The following ZNF197 variants were observed in gnomAD, a reference collection of about 807,000 sequenced individuals.
ZNF197 encodes zinc finger protein 197, also known as VHL-associated KRAB-A domain-containing protein.
Under a neutral mutation model 27.4 loss-of-function variants are expected in ZNF197, and 14 were observed. That is an observed-to-expected ratio of 0.51 (90% CI 0.34 to 0.80). The LOEUF (loss-of-function observed/expected upper bound fraction) is 0.80. ZNF197 is among the 30% of genes least tolerant of loss of function. ZNF197 has a pLI of 0.02. For synonymous variants in ZNF197, 415 were observed against 420.0 expected, an observed-to-expected ratio of 0.99 and a Z score of 0.15; for missense variants, 1,090 against 1,222.6, an observed-to-expected ratio of 0.89 and a Z score of 1.62.
Position 44,642,256 on chromosome 3 carries a change from T to C in ZNF197, c.1126T>C (p.Cys376Arg). The stretch of plus-strand genomic sequence containing the variant: ...GAAGTTTTATAAATGTGATATGTGT[T>C]GTAAACATTTTAATAAAATCTCCCA... ...GKKFYKCDMC[C>R]KHFNKISHLI... is the part of the protein sequence containing the mutation. Residue 376 changes from cysteine (C) to arginine (R), a missense_variant, in exon 6 of 6, where the codon TGT becomes CGT. Transcript: ENST00000344387. The C allele has an allele frequency of 1.9e-6, 3 of 1,613,976 alleles. No individual in the cohort carries two copies. The highest frequency in any genetic ancestry group is 1.3e-5 in the African/African-American group (1 of 75,026).
rs937675349 is a variant in ZNF197, at chr3:44,647,669, GAATT to G, written c.*3453_*3456del. On this transcript the variant is annotated 3_prime_UTR_variant, in exon 6 of 6. Coordinates refer to ENST00000344387, the MANE Select transcript of ZNF197 (RefSeq NM_006991.5). ...ATAACAACTCAAATAAATTTCAAGG[GAATT>G]AATGCTGAGTGAAAATAATCACAAA... 2.0e-5 allele frequency: 3 copies of G among 152,152 alleles called. No individual in the cohort carries two copies. The East Asian group carries it at 5.8e-4, about 29-fold the overall frequency. The allele number at this position is 152,152 out of a possible 1,614,324, so 9.4% of individuals were successfully genotyped here. A position where few individuals can be genotyped will look rare whatever the true frequency, so the allele number is the denominator to read the frequency against.
In ZNF197 at chr3:44,644,209, C is replaced by G; in HGVS notation, c.3079C>G (p.Gln1027Glu). Residue 1027 changes from glutamine to glutamate, a missense_variant, in exon 6 of 6, where the codon CAG becomes GAG. Gln to Glu is a conservative substitution (Grantham distance 29). Coordinates refer to ENST00000344387, the MANE Select transcript of ZNF197 (RefSeq NM_006991.5). ...CACCAATGAGTCCAAGATTGAGATT[C>G]AGAAAATCTAGTGTCATATGTAAAA... ...QNTNESKIEI[Q>E]KI 1 of 1,588,184 alleles carries G rather than the reference C, an allele frequency of 6.3e-7. No individual in the cohort carries two copies. The highest frequency in any genetic ancestry group is 8.5e-7 in the Non-Finnish European group (1 of 1,170,018).
intron 5 of ZNF197, 137 bp downstream of exon 5, chr3:44,632,736 T>C (rs1315309340): frequency 9.7e-7 from 1 of 1,029,470 alleles, no homozygotes; most frequent in African/African-American, 1.6e-5. Context: ...TTAACATCGC[T>C]ATTTCCAGAT....
rs1264589627 is a variant in ZNF197 at position 44,644,016 on chromosome 3, T to C, written c.2886T>C (p.Asp962=). Residue 962 remains aspartate (D), a synonymous_variant, in exon 6 of 6, where the codon GAT becomes GAC. Coordinates refer to ENST00000344387, the MANE Select transcript of ZNF197 (RefSeq NM_006991.5). ...HTGEKPYGCN[D]CSKVFRQRKN... is the part of the protein sequence containing the mutation. The stretch of plus-strand genomic sequence containing the variant: ...GGGAGAAACCCTATGGGTGTAATGA[T>C]TGTAGTAAAGTTTTTAGGCAAAGAA... 3.7e-6 allele frequency: 6 copies of C among 1,613,984 alleles called. No individual in the cohort carries two copies. Among genetic ancestry groups the C allele is most frequent in the Non-Finnish European group, 5.1e-6 (6 of 1,180,010 alleles).
chr3:44,632,095 C>G lies in ZNF197; in HGVS notation c.551-10C>G. The stretch of plus-strand genomic sequence containing the variant: ...GTAGGTCCCATATGCAGCTTTTTCT[C>G]CCTCCTCAGATTCTCCTGCCCCTGA... On this transcript the variant is annotated splice_polypyrimidine_tract_variant and intron_variant, in intron 3 of 5. Coordinates refer to ENST00000344387, the MANE Select transcript of ZNF197 (RefSeq NM_006991.5). 1 of 1,613,842 alleles carries G rather than the reference C, an allele frequency of 6.2e-7. No homozygotes were observed. The highest frequency in any genetic ancestry group is 8.5e-7 in the Non-Finnish European group (1 of 1,179,774).
rs138646834 is a variant in ZNF197, at chr3:44,643,192, G to A, written c.2062G>A (p.Gly688Ser). ...YECKDCGKVFGSNRNLIDHER... is the reference protein window; with the variant it reads ...YECKDCGKVFSSNRNLIDHER... The stretch of plus-strand genomic sequence containing the variant: ...ATGTAAAGATTGTGGTAAGGTCTTC[G>A]GTTCAAACAGAAACCTCATTGACCA... The change falls in exon 6 of 6, where the codon GGT becomes AGT. Residue 688 changes from glycine (G) to serine (S), a missense_variant. Transcript: ENST00000344387. 4.6e-5 allele frequency: 74 copies of A among 1,612,962 alleles called. 1 individual carries two copies. Among genetic ancestry groups the A allele is most frequent in the South Asian group, 2.9e-4 (26 of 90,862 alleles).
In ZNF197 at chr3:44,645,086, C is replaced by T. The variant is rs1305084257; in HGVS notation, c.*866C>T. 1.0e-6 allele frequency: 1 copy of T among 983,344 alleles called. No individual in the cohort carries two copies. Among genetic ancestry groups the T allele is most frequent in the African/African-American group, 1.7e-5 (1 of 57,166 alleles). 60.9% of individuals were successfully genotyped at this position (983,344 alleles called of 1,614,324 possible). ...GAATCAGAAGACCTACCTTTGATTC[C>T]TGGCTTTCCCTTAATGGCCATGTGA... On this transcript the variant is annotated 3_prime_UTR_variant, in exon 6 of 6. Transcript: ENST00000344387.
rs76908034 is a variant in ZNF197, at chr3:44,632,861, T to G, written c.769+262T>G. On this transcript the variant is annotated intron_variant, in intron 5 of 5. Transcript: ENST00000344387. ...GTCTGTGCACAGTTTTATAGCTTGC[T>G]TTCCTTGTGTGTGTTCTCACATGTT... is the stretch of plus-strand genomic sequence containing the variant. 1.2e-4 allele frequency among the ~76,000 whole-genome samples: 18 copies of G among 152,314 alleles called. No individual in the cohort carries two copies. The East Asian group carries it at 3.5e-3, about 29-fold the overall frequency.
At position 44,644,007 on chromosome 3, in the gene ZNF197, G is replaced by C; in HGVS notation, c.2877G>C (p.Gly959=). The C allele has an allele frequency of 6.2e-7, 1 of 1,614,148 alleles. No homozygotes were observed. Among genetic ancestry groups the C allele is most frequent in the South Asian group, 1.1e-5 (1 of 91,068 alleles). Residue 959 remains glycine, a synonymous_variant, in exon 6 of 6, where the codon GGG becomes GGC. Transcript: ENST00000344387. ...QRIHTGEKPY[G]CNDCSKVFRQ... Reference sequence around the variant, plus strand: ...TTCACACAGGGGAGAAACCCTATGGGTGTAATGATTGTAGTAAAGTTTTTA... The same window carrying C: ...TTCACACAGGGGAGAAACCCTATGGCTGTAATGATTGTAGTAAAGTTTTTA...
rs1362157592 is a variant in ZNF197 at position 44,643,479 on chromosome 3, C to T, written c.2349C>T (p.Ile783=). ...SNRNLIEHKR[I]HSGEKPYECD... is the part of the protein sequence containing the mutation. ...GAAACCTCATTGAGCATAAGAGAAT[C>T]CACAGTGGTGAGAAACCCTATGAGT... Residue 783 remains isoleucine, a synonymous_variant, in exon 6 of 6, where the codon ATC becomes ATT. Transcript: ENST00000344387. The T allele has an allele frequency of 6.2e-7, 1 of 1,614,036 alleles. No individual in the cohort carries two copies. Among genetic ancestry groups the T allele is most frequent in the African/African-American group, 1.3e-5 (1 of 74,906 alleles).
intron 2 of ZNF197, chr3:44,630,707 T>G (rs1449261146): frequency 2.6e-6 from 1 of 388,180 alleles, no homozygotes; most frequent in Non-Finnish European, 5.1e-6. Flanking sequence ...GGTAAATAAG[T>G]AGAAGAGATG....
chr3:44,643,282 A>C lies in ZNF197; in HGVS notation c.2152A>C (p.Ser718Arg), dbSNP rs1343001791. ...AGAGTGTGGGAAAACCTTTATTATG[A>C]GCAAAAGTTTTATGGTCCATCAGAA... ...CRECGKTFIM[S>R]KSFMVHQKLH... The change falls in exon 6 of 6, where the codon AGC (serine) becomes CGC (arginine). Residue 718 changes from serine (S) to arginine (R), a missense_variant. Ser to Arg is a moderately radical substitution (Grantham distance 110, BLOSUM62 -1). Coordinates refer to ENST00000344387, the MANE Select transcript of ZNF197 (RefSeq NM_006991.5). 1.9e-6 allele frequency: 3 copies of C among 1,614,080 alleles called. No homozygotes were observed. Among genetic ancestry groups the C allele is most frequent in the Non-Finnish European group, 2.5e-6 (3 of 1,180,006 alleles).
chr3:44,643,590 C>T lies in ZNF197; in HGVS notation c.2460C>T (p.Cys820=). 2.5e-6 allele frequency: 4 copies of T among 1,614,108 alleles called. No individual in the cohort carries two copies. The highest frequency in any genetic ancestry group is 2.2e-5 in the South Asian group (2 of 91,080). Residue 820 remains cysteine (C), a synonymous_variant, in exon 6 of 6, where the codon TGC becomes TGT. Transcript: ENST00000344387. ...RIHTREKSYK[C]NDCGKVFSYR... The stretch of plus-strand genomic sequence containing the variant: ...ACACGAGGGAAAAATCTTATAAATG[C>T]AATGACTGTGGGAAGGTCTTCAGTT...
intron 1 of ZNF197, among the ~76,000 whole-genome samples, chr3:44,625,750 GCACACACACA>G (rs56833441): frequency 0.091 from 13,576 of 148,998 alleles, 690 homozygotes; most frequent in Middle Eastern, 0.15. Flanking sequence ...GCGCGCGCGC[GCACACACACA>G]CACACACACA....
rs553077667 is a variant in ZNF197 at position 44,638,336 on chromosome 3, G to A, written c.770-3564G>A. 2.0e-5 allele frequency among the ~76,000 whole-genome samples: 3 copies of A among 151,844 alleles called. No homozygotes were observed. The East Asian group carries it at 5.8e-4, about 29-fold the overall frequency. On this transcript the variant is annotated intron_variant, in intron 5 of 5. Transcript: ENST00000344387. ...TTCTCAGGCTGACCTTGAGCTCCTGGGCTCAAGCAGTCCTCAGCCTAAATC... is the reference window on the plus strand; with the variant it reads ...TTCTCAGGCTGACCTTGAGCTCCTGAGCTCAAGCAGTCCTCAGCCTAAATC...
chr3:44,644,060 A>T lies in ZNF197; in HGVS notation c.2930A>T (p.Gln977Leu). 6.2e-7 allele frequency: 1 copy of T among 1,614,148 alleles called. No individual in the cohort carries two copies. Among genetic ancestry groups the T allele is most frequent in the Non-Finnish European group, 8.5e-7 (1 of 1,180,032 alleles). Residue 977 changes from glutamine (Q) to leucine (L), a missense_variant, in exon 6 of 6, where the codon CAG becomes CTG. Coordinates refer to ENST00000344387, the MANE Select transcript of ZNF197 (RefSeq NM_006991.5). The part of the protein sequence containing the change: ...FRQRKNLTVH[Q>L]KIHTDEKPCE... Reference sequence around the variant, plus strand: ...CAAAGAAAAAACCTTACTGTACATCAGAAAATCCACACAGATGAAAAACCT... The same window carrying T: ...CAAAGAAAAAACCTTACTGTACATCTGAAAATCCACACAGATGAAAAACCT...
chr3:44,634,705 C>A (rs1211028474), intron 5 of ZNF197, among the ~76,000 whole-genome samples: 1 of 152,234 alleles, frequency 6.6e-6, no homozygotes, highest in African/African-American at 2.4e-5. Context: ...CCGCCTCAGC[C>A]TCCCAAAGTG....
chr3:44,644,266 G>A lies in ZNF197; in HGVS notation c.*46G>A, dbSNP rs1449477000. 1.3e-6 allele frequency: 2 copies of A among 1,534,318 alleles called. No homozygotes were observed. Among genetic ancestry groups the A allele is most frequent in the East Asian group, 4.5e-5 (2 of 44,322 alleles). On this transcript the variant is annotated 3_prime_UTR_variant, in exon 6 of 6. Coordinates refer to ENST00000344387, the MANE Select transcript of ZNF197 (RefSeq NM_006991.5). ...AGAATCCCTGCCTACTTAAGTAACT[G>A]TTGGACAAATGATATATATTTCTTC...
rs1165898509 is a variant in ZNF197, at chr3:44,640,342, C to T, written c.770-1558C>T. Among the ~76,000 whole-genome samples, 3 of 152,190 alleles carry T rather than the reference C, an allele frequency of 2.0e-5. No homozygotes were observed. The highest frequency in any genetic ancestry group is 7.2e-5 in the African/African-American group (3 of 41,452). On this transcript the variant is annotated intron_variant, in intron 5 of 5. Transcript: ENST00000344387. This position sits in a 1 kb window ranked among gnomAD's most constrained non-coding sequence, Gnocchi z 4.0. ...TGTTTCATTATATAGAAGCAGCCCT[C>T]CTCTCCATCAGCATTCTCTTTGTTT...
Sources: gnomAD v4.1 joint callset for allele counts (sites outside exome capture counted in the v4.1 genomes callset) on GRCh38, gnomAD v4.1.1 for gene constraint, Gnocchi (gnomAD v3.1) non-coding constraint, MANE v1.5 for transcripts, NCBI Gene and HGNC (gene_info 2026-07-23, HGNC 2026-07-21) for gene names.